The following PKN2 variants were observed in gnomAD, a reference collection of about 807,000 sequenced individuals.
PKN2 encodes the protein protein kinase N2, also known as serine/threonine-protein kinase N2.
PKN2 carries 38 observed loss-of-function variants against 119.1 expected under a neutral mutation model. The observed-to-expected ratio is 0.32, with a 90% CI of 0.25 to 0.42. PKN2 has a LOEUF of 0.42. Among genes scored for constraint, PKN2 ranks in the 10% least tolerant of loss-of-function variants. The pLI, the probability that PKN2 is intolerant of heterozygous loss-of-function variation, is 1.00. For synonymous variants in PKN2, 390 were observed against 384.9 expected (o/e 1.01, Z -0.15); for missense variants, 850 against 1,165.1 (o/e 0.73, Z 3.94).
intron 2 of PKN2, among the ~76,000 whole-genome samples, chr1:88,744,557 A>G (rs201593181): frequency 6.6e-6 from 1 of 152,292 alleles, no homozygotes; most frequent in East Asian, 1.9e-4. Context: ...AGTAGCTGGC[A>G]CTACAGGCTC....
chr1:88,713,005 A>G (rs543948144), intron 1 of PKN2, among the ~76,000 whole-genome samples: 22 of 151,612 alleles, frequency 1.5e-4, no homozygotes, highest in Non-Finnish European at 2.9e-4. Flanking sequence ...GTTCCCACCT[A>G]TGAGTGAGAA....
At position 88,741,091 on chromosome 1, in the gene PKN2, G is replaced by T; in HGVS notation, c.152G>T (p.Arg51Leu). Residue 51 changes from arginine (R) to leucine (L), a missense_variant, in exon 2 of 22, where the codon CGA (arginine) becomes CTA (leucine). Coordinates refer to ENST00000370521, the MANE Select transcript of PKN2 (RefSeq NM_006256.4). ...VQQKLDDIKD[R>L]IKREIRKELK... Reference sequence around the variant, plus strand: ...CAGAAATTGGATGATATCAAGGATCGAATTAAGAGAGAAATAAGGAAAGAA... The same window carrying T: ...CAGAAATTGGATGATATCAAGGATCTAATTAAGAGAGAAATAAGGAAAGAA... The T allele has an allele frequency of 1.2e-6, 2 of 1,611,122 alleles. No individual in the cohort carries two copies. The highest frequency in any genetic ancestry group is 1.1e-5 in the South Asian group (1 of 90,420).
rs764248356 is a variant in PKN2, at chr1:88,771,794, T to C, written c.900T>C (p.Ala300=). 3.7e-6 allele frequency: 6 copies of C among 1,613,878 alleles called. No homozygotes were observed. In the African/African-American group the frequency reaches 8.0e-5, roughly 22 times the overall value. Residue 300 remains alanine, a synonymous_variant, in exon 6 of 22, where the codon GCT becomes GCC. Transcript: ENST00000370521. ...TTATTGAAGAACTTTCACTTGTTGC[T>C]GCATCACCAACACTAAGTCCACGTC... The part of the protein sequence containing the change: ...RIIIEELSLV[A]ASPTLSPRQS...
At chr1:88,749,927 C>T (rs186000662) in intron 2 of PKN2, among the ~76,000 whole-genome samples, 20 of 152,270 alleles carry the variant, frequency 1.3e-4, no homozygotes, top group Middle Eastern at 3.4e-3. Flanking sequence ...TCAAGTACCA[C>T]TTTATGAATT....
intron 3 of PKN2, among the ~76,000 whole-genome samples, chr1:88,764,755 C>A (rs1309638253): frequency 6.6e-6 from 1 of 152,086 alleles, no homozygotes; most frequent in Non-Finnish European, 1.5e-5. Context: ...AGTTATTTTA[C>A]CCCGTTACAT....
intron 1 of PKN2, among the ~76,000 whole-genome samples, chr1:88,693,494 CTT>C (rs2100650525): frequency 6.6e-6 from 1 of 152,292 alleles, no homozygotes; most frequent in South Asian, 2.1e-4. Flanking sequence ...AGCAAAATAA[CTT>C]ATAATGAAAC....
At chr1:88,718,405 T>A (rs1480719217) in intron 1 of PKN2, among the ~76,000 whole-genome samples, 3 of 152,192 alleles carry the variant, frequency 2.0e-5, no homozygotes, top group African/African-American at 7.2e-5. Flanking sequence ...TGTTCAGCTA[T>A]TCCCTGCCCC....
At chr1:88,770,621 T>A (rs1669850583) in intron 4 of PKN2, 152 bp downstream of exon 4, 1 of 557,654 alleles carries the variant, frequency 1.8e-6, no homozygotes, top group Non-Finnish European at 3.2e-6. Context: ...AGTCTCGCTC[T>A]GTCGCCCAGG....
At chr1:88,800,745 T>C (rs943956286) in intron 8 of PKN2, among the ~76,000 whole-genome samples, 1 of 152,190 alleles carries the variant, frequency 6.6e-6, no homozygotes, top group Admixed American at 6.5e-5. Flanking sequence ...ATGTTTTAAT[T>C]TGTTGCTTTC....
At chr1:88,731,676 C>G (rs895209126) in intron 1 of PKN2, among the ~76,000 whole-genome samples, 4 of 152,154 alleles carry the variant, frequency 2.6e-5, no homozygotes, top group African/African-American at 9.7e-5. Flanking sequence ...TATGGGTACT[C>G]TAACATTTCT....
chr1:88,795,149 C>A (rs917209972), intron 8 of PKN2, among the ~76,000 whole-genome samples: 6 of 152,130 alleles, frequency 3.9e-5, no homozygotes, highest in African/African-American at 1.4e-4. Flanking sequence ...GATTTAAGAC[C>A]ATCAGACCTC....
At chr1:88,787,948 T>G (rs1345395138) in intron 8 of PKN2, among the ~76,000 whole-genome samples, 4 of 152,242 alleles carry the variant, frequency 2.6e-5, no homozygotes, top group African/African-American at 9.6e-5. Flanking sequence ...TCTTTTATCC[T>G]TTGTATTTAT....
chr1:88,728,008 T>C (rs1667965960), intron 1 of PKN2, among the ~76,000 whole-genome samples: 1 of 141,572 alleles, frequency 7.1e-6, no homozygotes, highest in Admixed American at 7.4e-5. Flanking sequence ...AGCAGGTTTT[T>C]CTTGGGGCTT....
At chr1:88,827,067 CTATA>C (rs1463824392) in intron 18 of PKN2, among the ~76,000 whole-genome samples, 1 of 152,016 alleles carries the variant, frequency 6.6e-6, no homozygotes, top group Non-Finnish European at 1.5e-5. Flanking sequence ...TTTATAGTCA[CTATA>C]TATGCATACC....
chr1:88,832,782 C>A lies in PKN2; in HGVS notation c.2601C>A (p.Asp867Glu). 1 of 1,602,250 alleles carries A rather than the reference C, an allele frequency of 6.2e-7. No individual in the cohort carries two copies. Among genetic ancestry groups the A allele is most frequent in the South Asian group, 1.1e-5 (1 of 89,830 alleles). ...FPGDDEEEVF[D>E]SIVNDEVRYP... The stretch of plus-strand genomic sequence containing the variant: ...GTGATGATGAAGAGGAAGTTTTTGA[C>A]AGTATTGTAAATGATGAAGTAAGGT... The change falls in exon 20 of 22, where the codon GAC becomes GAA. Residue 867 changes from aspartate (D) to glutamate (E), a missense_variant. Coordinates refer to ENST00000370521, the MANE Select transcript of PKN2 (RefSeq NM_006256.4).
At chr1:88,691,905 G>C (rs1666351704) in intron 1 of PKN2, among the ~76,000 whole-genome samples, 1 of 151,838 alleles carries the variant, frequency 6.6e-6, no homozygotes. Context: ...ATTGTTAATT[G>C]CTTACTGTGC....
chr1:88,776,063 G>A (rs539275498), intron 6 of PKN2, among the ~76,000 whole-genome samples: 16 of 150,224 alleles, frequency 1.1e-4, no homozygotes, highest in Admixed American at 5.9e-4. Flanking sequence ...AGCCGAGATC[G>A]TGCCACTGCA....
chr1:88,770,411 A>G lies in PKN2; in HGVS notation c.564A>G (p.Glu188=). The G allele has an allele frequency of 2.5e-6, 4 of 1,613,652 alleles. No individual in the cohort carries two copies. Among genetic ancestry groups the G allele is most frequent in the Non-Finnish European group, 3.4e-6 (4 of 1,179,568 alleles). The change falls in exon 4 of 22, where the codon GAA becomes GAG. Residue 188 remains glutamate (E), a synonymous_variant. Coordinates refer to ENST00000370521, the MANE Select transcript of PKN2 (RefSeq NM_006256.4). The part of the protein sequence containing the change: ...QLLQDSKTKI[E]VIRMQILQAV... Reference sequence around the variant, plus strand: ...TCCAGGACAGCAAGACAAAAATAGAAGTCATACGAATGCAGATTCTTCAGG... The same window carrying G: ...TCCAGGACAGCAAGACAAAAATAGAGGTCATACGAATGCAGATTCTTCAGG...
At chr1:88,793,835 A>G (rs927292459) in intron 8 of PKN2, among the ~76,000 whole-genome samples, 1 of 152,180 alleles carries the variant, frequency 6.6e-6, no homozygotes, top group Non-Finnish European at 1.5e-5. Flanking sequence ...GAATATTGAC[A>G]AGAAAAAAAA....
Sources: allele counts gnomAD v4.1 joint callset (sites outside exome capture counted in the v4.1 genomes callset), GRCh38; gene constraint gnomAD v4.1.1; transcripts MANE v1.5; gene names NCBI Gene and HGNC (gene_info 2026-07-23, HGNC 2026-07-21).